Variants in THSD7B observed in about 807,000 individuals in gnomAD.
THSD7B encodes thrombospondin type 1 domain containing 7B.
A neutral mutation model predicts 213.6 loss-of-function variants in THSD7B; 138 were observed. The ratio of observed to expected loss-of-function variants is 0.65; its 90% CI spans 0.56 to 0.74. THSD7B has a LOEUF of 0.74. Ranked by LOEUF, THSD7B falls within the 30% of genes least tolerant of loss-of-function variation. The pLI, the probability that THSD7B is intolerant of heterozygous loss-of-function variation, is 0.00. For missense variants in THSD7B, 1,931 were observed against 1,991.5 expected, an observed-to-expected ratio of 0.97 and a Z score of 0.58; for synonymous variants, 742 against 687.0, an observed-to-expected ratio of 1.08 and a Z score of -1.25.
intron 7 of THSD7B, among the ~76,000 whole-genome samples, chr2:137,217,099 A>C (rs1232376886): frequency 1.4e-4 from 22 of 152,140 alleles, no homozygotes; most frequent in Admixed American, 1.4e-3. Context: ...CCCTGGAGGA[A>C]TTGTATACTG....
intron 2 of THSD7B, among the ~76,000 whole-genome samples, chr2:136,980,641 T>C (rs1685560166): frequency 6.6e-6 from 1 of 152,174 alleles, no homozygotes. Context: ...ACCCCTCCCC[T>C]GGGAACTTAC....
Position 136,976,682 on chromosome 2 carries a change from T to A in THSD7B, c.140-79738T>A, listed in dbSNP as rs190449912. Among the ~76,000 whole-genome samples the A allele has an allele frequency of 1.2e-3, 176 of 151,810 alleles. 1 individual carries two copies. The highest frequency in any genetic ancestry group is 4.2e-3 in the African/African-American group (172 of 41,382). On this transcript the variant is annotated intron_variant, in intron 2 of 27. Transcript: ENST00000409968. ...GGAGTCTCGCTCTGTCGCTCAGTGG[T>A]ACGATCTCGGCTCACTGCAAGCTCC... is the stretch of plus-strand genomic sequence containing the variant.
chr2:137,254,202 GA>G (rs1210780308), intron 10 of THSD7B, among the ~76,000 whole-genome samples: 10 of 152,172 alleles, frequency 6.6e-5, no homozygotes, highest in African/African-American at 2.4e-4. Context: ...TTTCTGGAAT[GA>G]CATGCTTTCA....
chr2:137,472,682 G>A (rs905049992), intron 15 of THSD7B, among the ~76,000 whole-genome samples: 2 of 152,140 alleles, frequency 1.3e-5, no homozygotes, highest in African/African-American at 4.8e-5. Flanking sequence ...TATTATAGTA[G>A]ACCATTTAGG....
At chr2:137,073,699 C>T (rs1280445393) in intron 3 of THSD7B, among the ~76,000 whole-genome samples, 1 of 152,090 alleles carries the variant, frequency 6.6e-6, no homozygotes, top group Admixed American at 6.6e-5. Context: ...TTAGATCTTT[C>T]CTGCTTTCTC....
At chr2:137,436,145 TATAA>T (rs1436842527) in intron 14 of THSD7B, among the ~76,000 whole-genome samples, 11 of 151,994 alleles carry the variant, frequency 7.2e-5, no homozygotes, top group East Asian at 1.9e-4. Context: ...TGATTATACA[TATAA>T]ATAAATATAT....
intron 15 of THSD7B, among the ~76,000 whole-genome samples, chr2:137,547,608 C>G (rs912413146): frequency 3.3e-5 from 5 of 151,994 alleles, no homozygotes; most frequent in African/African-American, 1.2e-4. Context: ...CCTCCTTTCT[C>G]CTATTACAGC....
intron 26 of THSD7B, 137 bp from the exon 27 acceptor site, chr2:137,667,637 A>C (rs1683474579): frequency 3.1e-6 from 2 of 636,088 alleles, no homozygotes. Context: ...AGTTGAGTGC[A>C]CAGTTGGCTA....
At chr2:136,794,425 A>G (rs1042804312) in intron 1 of THSD7B, among the ~76,000 whole-genome samples, 14 of 151,720 alleles carry the variant, frequency 9.2e-5, no homozygotes, top group Admixed American at 7.9e-4. Context: ...CACTTCAAAC[A>G]TTTTGTAATT....
intron 7 of THSD7B, among the ~76,000 whole-genome samples, chr2:137,226,382 A>AT (rs1255457038): frequency 6.6e-6 from 1 of 150,806 alleles, no homozygotes; most frequent in Non-Finnish European, 1.5e-5. Flanking sequence ...TCATATCTTT[A>AT]TTTTTTTCTT....
rs10563702 is a variant in THSD7B, at chr2:137,415,664, GTTTTTTTTTTT to G, written c.2959+3807_2959+3817del. Reference sequence around the variant, plus strand: ...TTCCAACCATGTTTCTTATATCAGTGTTTTTTTTTTTTTTTTTTTTTTTTTCAAAGAACAGG... The same window carrying G: ...TTCCAACCATGTTTCTTATATCAGTGTTTTTTTTTTTTTTCAAAGAACAGG... On this transcript the variant is annotated intron_variant, in intron 14 of 27. Coordinates refer to ENST00000409968, the MANE Select transcript of THSD7B (RefSeq NM_001316349.2). Among the ~76,000 whole-genome samples the G allele has an allele frequency of 1.4e-4, 11 of 80,118 alleles. No homozygotes were observed. The South Asian group carries it at 5.5e-3, about 40-fold the overall frequency. 52.6% of individuals were successfully genotyped at this position (80,118 alleles called of 152,430 possible).
intron 2 of THSD7B, among the ~76,000 whole-genome samples, chr2:136,894,364 C>T (rs777558299): frequency 6.6e-6 from 1 of 152,162 alleles, no homozygotes; most frequent in Non-Finnish European, 1.5e-5. Flanking sequence ...AAGGAGCTGA[C>T]ACTACATACA....
At chr2:137,429,445 G>A (rs1237115648) in intron 14 of THSD7B, among the ~76,000 whole-genome samples, 1 of 152,060 alleles carries the variant, frequency 6.6e-6, no homozygotes, top group Non-Finnish European at 1.5e-5. Context: ...TATTATTTAT[G>A]TGTGTGTATA....
intron 17 of THSD7B, among the ~76,000 whole-genome samples, chr2:137,594,808 G>A (rs183237114): frequency 2.0e-5 from 3 of 151,902 alleles, no homozygotes; most frequent in Admixed American, 6.6e-5. Flanking sequence ...TGGAAAAGAA[G>A]CCTGATATCA....
chr2:136,945,012 TG>T (rs1684909789), intron 2 of THSD7B, among the ~76,000 whole-genome samples: 1 of 152,340 alleles, frequency 6.6e-6, no homozygotes, highest in East Asian at 1.9e-4. Flanking sequence ...GGCATGTTTT[TG>T]CAGTGGCTGG....
rs184131775 is a variant in THSD7B at position 137,150,992 on chromosome 2, G to C, written c.1370-9221G>C. 5.8e-3 allele frequency among the ~76,000 whole-genome samples: 877 copies of C among 152,270 alleles called. 4 individuals carry two copies. Among genetic ancestry groups the C allele is most frequent in the Middle Eastern group, 0.014 (4 of 294 alleles). On this transcript the variant is annotated intron_variant, in intron 5 of 27. Transcript: ENST00000409968. The stretch of plus-strand genomic sequence containing the variant: ...TAGGGCACTTACATGAATTGGGCTC[G>C]TAGGAGTCAAAGTTGCTCTGGGTGA...
intron 12 of THSD7B, among the ~76,000 whole-genome samples, chr2:137,281,578 G>A (rs887195417): frequency 4.3e-5 from 4 of 92,388 alleles, no homozygotes; most frequent in Non-Finnish European, 5.9e-5. Context: ...AGCAGTCCCC[G>A]GTATGTGATG....
intron 2 of THSD7B, among the ~76,000 whole-genome samples, chr2:136,883,117 T>C (rs1368585566): frequency 4.6e-5 from 7 of 152,134 alleles, no homozygotes; most frequent in Non-Finnish European, 7.4e-5. Flanking sequence ...ACTCCATTCT[T>C]TCAAATACTG....
At chr2:137,151,675 C>G (rs1488965655) in intron 5 of THSD7B, among the ~76,000 whole-genome samples, 1 of 152,082 alleles carries the variant, frequency 6.6e-6, no homozygotes, top group Non-Finnish European at 1.5e-5. Flanking sequence ...AATGTACAAA[C>G]CAGTAATACA....
Sources: allele counts gnomAD v4.1 joint callset (sites outside exome capture counted in the v4.1 genomes callset), GRCh38; gene constraint gnomAD v4.1.1; transcripts MANE v1.5; gene names NCBI Gene and HGNC (gene_info 2026-07-23, HGNC 2026-07-21).